The following BRAT1 variants were observed in gnomAD, a reference collection of about 807,000 sequenced individuals.
BRAT1 encodes BRCA1 associated ATM activator 1, also known as integrator complex assembly factor BRAT1.
A neutral mutation model predicts 70.6 loss-of-function variants in BRAT1; 74 were observed. That is an observed-to-expected ratio of 1.05 (90% CI 0.87 to 1.27). BRAT1 has a LOEUF of 1.27. BRAT1 is among the 50% of genes most tolerant of loss of function. BRAT1 has a pLI of 0.00. For missense variants in BRAT1, 1,203 were observed against 1,098.2 expected, an observed-to-expected ratio of 1.10 and a Z score of -1.35; for synonymous variants, 615 against 517.1, an observed-to-expected ratio of 1.19 and a Z score of -2.57.
intron 1 of BRAT1, among the ~76,000 whole-genome samples, chr7:2,554,925 G>C (rs1780303649): frequency 6.6e-6 from 1 of 152,150 alleles, no homozygotes; most frequent in Admixed American, 6.5e-5. Flanking sequence ...CCTGAAGCCA[G>C]CAGGGGGGTG....
At chr7:2,545,739 C>T (rs1449308065) in intron 3 of BRAT1, among the ~76,000 whole-genome samples, 1 of 152,178 alleles carries the variant, frequency 6.6e-6, no homozygotes. Flanking sequence ...ATCCGCCTGC[C>T]TCAGCCTCCC....
chr7:2,542,079 G>T, intron 7 of BRAT1, 41 bp downstream of exon 7: 1 of 1,457,758 alleles, frequency 6.9e-7, no homozygotes, highest in African/African-American at 1.4e-5. Flanking sequence ...CAGCCGCAGG[G>T]ACCCAGGTTC....
chr7:2,539,963 A>C, intron 10 of BRAT1, 75 bp from the exon 11 acceptor site: 2 of 1,108,468 alleles, frequency 1.8e-6, no homozygotes, highest in South Asian at 3.3e-5. Context: ...CCTCGCCTTC[A>C]CCTGTGCTGC....
chr7:2,541,052 C>A lies in BRAT1; in HGVS notation c.1322G>T (p.Gly441Val), dbSNP rs776235125. ...CGCCTGCGTCACCAGCTCCTGGGGG[C>A]CTGAGACAGAGGTGAGTGGATAAAC... ...DFLGTLSQGT[G>V]PQELVTQALA... Residue 441 changes from glycine (G) to valine (V), a missense_variant and splice_region_variant, in exon 10 of 14, where the codon GGC becomes GTC. Coordinates refer to ENST00000340611, the MANE Select transcript of BRAT1 (RefSeq NM_152743.4). 7 of 1,564,964 alleles carry A rather than the reference C, an allele frequency of 4.5e-6. No individual in the cohort carries two copies. In the South Asian group the frequency reaches 8.4e-5, roughly 19 times the overall value.
In BRAT1 at chr7:2,539,849, G is replaced by T. The variant is rs1562569671; in HGVS notation, c.1435C>A (p.Leu479Met). 3 of 1,602,464 alleles carry T rather than the reference G, an allele frequency of 1.9e-6. No homozygotes were observed. Among genetic ancestry groups the T allele is most frequent in the Non-Finnish European group, 2.6e-6 (3 of 1,175,432 alleles). Residue 479 changes from leucine to methionine, a missense_variant, in exon 11 of 14, where the codon CTG becomes ATG. Leu to Met is a conservative substitution (Grantham distance 15). Coordinates refer to ENST00000340611, the MANE Select transcript of BRAT1 (RefSeq NM_152743.4). ...KAFQATLRWL[L>M]SSPKTPGCSD... Reference sequence around the variant, plus strand: ...CAGCCGGGGGTCTTGGGTGAGCTCAGGAGCCACCTGAGCGTGGCCTGGAAG... The same window carrying T: ...CAGCCGGGGGTCTTGGGTGAGCTCATGAGCCACCTGAGCGTGGCCTGGAAG...
intron 2 of BRAT1, among the ~76,000 whole-genome samples, chr7:2,548,668 TA>T (rs59949760): frequency 0.035 from 4,646 of 132,978 alleles, 91 homozygotes; most frequent in South Asian, 0.087. Flanking sequence ...CCTGTCTCTC[TA>T]AAAAAAAAAA....
Position 2,543,207 on chromosome 7 carries a change from T to C in BRAT1, c.920A>G (p.His307Arg). The C allele has an allele frequency of 6.2e-7, 1 of 1,604,562 alleles. No homozygotes were observed. Among genetic ancestry groups the C allele is most frequent in the South Asian group, 1.1e-5 (1 of 90,210 alleles). The change falls in exon 6 of 14, where the codon CAC becomes CGC. Residue 307 changes from histidine (H) to arginine (R), a missense_variant. Transcript: ENST00000340611. The surrounding 1 kb of genome is among the most constrained non-coding windows in gnomAD (Gnocchi z 5.5). ...PLALGILKLEHCPQALRTQAF... is the reference protein window; with the variant it reads ...PLALGILKLERCPQALRTQAF... The stretch of plus-strand genomic sequence containing the variant: ...TGAAATGCACCCCAGACCATACCAG[T>C]GCTCGAGCTTCAGGATCCCCAAAGC...
rs144950362 is a variant in BRAT1, at chr7:2,545,989, C to T, written c.283-933G>A. On this transcript the variant is annotated intron_variant, in intron 3 of 13. Coordinates refer to ENST00000340611, the MANE Select transcript of BRAT1 (RefSeq NM_152743.4). The stretch of plus-strand genomic sequence containing the variant: ...CTGGATGTGCCTTCGCACAACCTGG[C>T]GAGGGCCTGTGAGGCACCAAGAGAA... Among the ~76,000 whole-genome samples the T allele has an allele frequency of 8.1e-3, 1,235 of 152,304 alleles. 23 individuals are homozygous for T. Among genetic ancestry groups the T allele is most frequent in the African/African-American group, 0.028 (1,173 of 41,548 alleles).
rs1779689253 is a variant in BRAT1, at chr7:2,547,336, G to A, written c.270C>T (p.Phe90=). The change falls in exon 3 of 14, where the codon TTC becomes TTT. Residue 90 remains phenylalanine (F), a synonymous_variant. Coordinates refer to ENST00000340611, the MANE Select transcript of BRAT1 (RefSeq NM_152743.4). ...GCCCCAGGCTCACCTGAAGATACTG[G>A]AAGCAGTTTTCCTGGGCTGCGAAGG... ...AGTFAAQENC[F]QYLQQGELLP... is the part of the protein sequence containing the mutation. 6.2e-7 allele frequency: 1 copy of A among 1,614,126 alleles called. No homozygotes were observed. Among genetic ancestry groups the A allele is most frequent in the African/African-American group, 1.3e-5 (1 of 75,038 alleles).
chr7:2,541,244 G>A (rs1358807878), intron 9 of BRAT1, 54 bp downstream of exon 9: 1 of 1,519,150 alleles, frequency 6.6e-7, no homozygotes, highest in Non-Finnish European at 8.8e-7. Flanking sequence ...GAGCAGAAAG[G>A]AGAGTGGGGG....
intron 2 of BRAT1, 115 bp downstream of exon 2, chr7:2,554,190 G>A: frequency 7.3e-7 from 1 of 1,370,404 alleles, no homozygotes; most frequent in South Asian, 1.4e-5. Context: ...ACATCTGATT[G>A]GCAGTTTCTG....
At chr7:2,544,633 T>C (rs1385151613) in intron 4 of BRAT1, among the ~76,000 whole-genome samples, 1 of 152,150 alleles carries the variant, frequency 6.6e-6, no homozygotes, top group African/African-American at 2.4e-5. Flanking sequence ...CCCGAGTAGC[T>C]GGGACTATAG....
At position 2,544,945 on chromosome 7, in the gene BRAT1, G is replaced by C; in HGVS notation, c.394C>G (p.Gln132Glu). The change falls in exon 4 of 14, where the codon CAG becomes GAG. Residue 132 changes from glutamine to glutamate, a missense_variant. Transcript: ENST00000340611. ...GWIQGLRSLA[Q>E]HPSALRFLAD... is the part of the protein sequence containing the mutation. ...AGGAAGCGCAGGGCGCTGGGGTGCT[G>C]TGCCAGGGAGCGCAGGCCCTGGATC... 1 of 1,557,204 alleles carries C rather than the reference G, an allele frequency of 6.4e-7. No individual in the cohort carries two copies. The highest frequency in any genetic ancestry group is 8.7e-7 in the Non-Finnish European group (1 of 1,150,616).
Position 2,539,586 on chromosome 7 carries a change from A to G in BRAT1, c.1555T>C (p.Ser519Pro), listed in dbSNP as rs1300644959. The change falls in exon 12 of 14, where the codon TCC (serine) becomes CCC (proline). Residue 519 changes from serine (S) to proline (P), a missense_variant. Physicochemically the swap from Ser to Pro is moderately conservative, Grantham distance 74. Transcript: ENST00000340611. ...AGCTGGGTCAGGAACTCGAGGGCGG[A>G]GTCCCTCACCTCCCAGCAGGGGTGG... ...LCHPCWEVRD[S>P]ALEFLTQLSR... 105 of 1,587,812 alleles carry G rather than the reference A, an allele frequency of 6.6e-5. No homozygotes were observed. Among genetic ancestry groups the G allele is most frequent in the Non-Finnish European group, 8.8e-5 (103 of 1,166,602 alleles).
chr7:2,554,447 C>T lies in BRAT1; in HGVS notation c.-16G>A. On this transcript the variant is annotated splice_region_variant and 5_prime_UTR_variant, in exon 2 of 14. Coordinates refer to ENST00000340611, the MANE Select transcript of BRAT1 (RefSeq NM_152743.4). Reference sequence around the variant, plus strand: ...CTGGGTCCATGGTGAGGCCGCAGGCCCTGCAAAGGCAATGTGAGAGCCAAA... The same window carrying T: ...CTGGGTCCATGGTGAGGCCGCAGGCTCTGCAAAGGCAATGTGAGAGCCAAA... The T allele has an allele frequency of 6.2e-7, 1 of 1,610,438 alleles. No homozygotes were observed. The highest frequency in any genetic ancestry group is 8.5e-7 in the Non-Finnish European group (1 of 1,178,896).
intron 7 of BRAT1, 28 bp downstream of exon 7, chr7:2,542,092 C>T (rs1206561387): frequency 1.4e-6 from 2 of 1,477,764 alleles, no homozygotes; most frequent in Middle Eastern, 2.1e-4. Flanking sequence ...CCAGGTTCTG[C>T]CCTCCCAGCC....
At chr7:2,541,110 C>T in intron 9 of BRAT1, 58 bp from the exon 10 acceptor site, 1 of 1,464,166 alleles carries the variant, frequency 6.8e-7, no homozygotes, top group Non-Finnish European at 9.0e-7. Flanking sequence ...CCCTCCCCAT[C>T]AACTCTGGGA....
chr7:2,551,629 G>T lies in BRAT1; in HGVS notation c.127+2676C>A, dbSNP rs189166796. Among the ~76,000 whole-genome samples the T allele has an allele frequency of 6.3e-3, 940 of 150,398 alleles. 4 individuals carry two copies. The highest frequency in any genetic ancestry group is 0.011 in the Non-Finnish European group (757 of 67,688). ...CAGGAGGTCAAGGCTGCAGTGAGCCGTGTTCACGCCATTGCACTCCATCCT... is the reference window on the plus strand; with the variant it reads ...CAGGAGGTCAAGGCTGCAGTGAGCCTTGTTCACGCCATTGCACTCCATCCT... On this transcript the variant is annotated intron_variant, in intron 2 of 13. Transcript: ENST00000340611.
chr7:2,537,944 C>T lies in BRAT1; in HGVS notation c.*125G>A, dbSNP rs561027633. On this transcript the variant is annotated 3_prime_UTR_variant, in exon 14 of 14. Coordinates refer to ENST00000340611, the MANE Select transcript of BRAT1 (RefSeq NM_152743.4). ...GGGATTTCTTGACCTTGCTTCTCTC[C>T]TGGTCCTGGCTTCCCCAGAGGATCC... 5.6e-5 allele frequency: 77 copies of T among 1,368,418 alleles called. No individual in the cohort carries two copies. Among genetic ancestry groups the T allele is most frequent in the Non-Finnish European group, 6.7e-5 (71 of 1,059,390 alleles). The allele number at this position is 1,368,418 out of a possible 1,614,324, so 84.8% of individuals were successfully genotyped here.
Sources: gnomAD v4.1 joint callset for allele counts (sites outside exome capture counted in the v4.1 genomes callset) on GRCh38, gnomAD v4.1.1 for gene constraint, Gnocchi (gnomAD v3.1) non-coding constraint, MANE v1.5 for transcripts, NCBI Gene and HGNC (gene_info 2026-07-23, HGNC 2026-07-21) for gene names.